OPCML: variants seen among roughly 807,000 people sequenced by gnomAD.
The protein encoded by OPCML is opioid binding protein/cell adhesion molecule like, also known as opioid-binding protein/cell adhesion molecule.
In OPCML, 13 loss-of-function variants were observed where a neutral mutation model predicts 37.8. The ratio of observed to expected loss-of-function variants is 0.34; its 90% CI spans 0.22 to 0.55. The LOEUF is 0.55. OPCML is among the 20% of genes least tolerant of loss of function. OPCML has a pLI of 0.91. For synonymous variants in OPCML, 176 were observed against 168.8 expected (o/e 1.04, Z -0.33); for missense variants, 341 against 435.6 (o/e 0.78, Z 1.93).
Position 133,249,013 on chromosome 11 carries a change from C to T in OPCML, c.61+283251G>A, listed in dbSNP as rs188343375. ...TGATCCAACACTCTAGAGCTGTTGC[C>T]GGTATAAAACCAATGTTTCATTTCA... On this transcript the variant is annotated intron_variant, in intron 1 of 7. Coordinates refer to ENST00000524381, the MANE Select transcript of OPCML (RefSeq NM_001012393.5). Among the ~76,000 whole-genome samples, 23 of 152,214 alleles carry T rather than the reference C, an allele frequency of 1.5e-4. No individual in the cohort carries two copies. The East Asian group carries it at 2.9e-3, about 19-fold the overall frequency.
At chr11:133,240,631 G>A (rs935113065) in intron 1 of OPCML, among the ~76,000 whole-genome samples, 4 of 152,160 alleles carry the variant, frequency 2.6e-5, no homozygotes, top group African/African-American at 4.8e-5. Flanking sequence ...ACATGTCTTT[G>A]TCTAAACACT....
intron 1 of OPCML, among the ~76,000 whole-genome samples, chr11:133,385,470 C>T (rs898211524): frequency 6.6e-6 from 1 of 152,158 alleles, no homozygotes; most frequent in African/African-American, 2.4e-5. Flanking sequence ...GTCCGGCAGA[C>T]AAGAGCTCAA....
At chr11:132,729,429 G>C (rs1316442536) in intron 2 of OPCML, among the ~76,000 whole-genome samples, 1 of 152,076 alleles carries the variant, frequency 6.6e-6, no homozygotes, top group African/African-American at 2.4e-5. Flanking sequence ...TTGGACAAAG[G>C]TTAAACGGGC....
At chr11:132,864,487 G>C (rs894813078) in intron 2 of OPCML, among the ~76,000 whole-genome samples, 1 of 152,138 alleles carries the variant, frequency 6.6e-6, no homozygotes, top group Non-Finnish European at 1.5e-5. Flanking sequence ...AACTATCTAT[G>C]TCTCCACCTC....
At position 132,419,799 on chromosome 11, in the gene OPCML, G is replaced by C. The variant is rs375410063; in HGVS notation, c.*394C>G. ...TGCTGTGCACTATGTTATAAGTCAA[G>C]TTGTGTCTTCAGGGTGTTTATTGTG... is the stretch of plus-strand genomic sequence containing the variant. On this transcript the variant is annotated 3_prime_UTR_variant, in exon 8 of 8. Transcript: ENST00000524381. 104 of 184,828 alleles carry C rather than the reference G, an allele frequency of 5.6e-4. No homozygotes were observed. Among genetic ancestry groups the C allele is most frequent in the African/African-American group, 2.4e-3 (102 of 42,270 alleles). 11.4% of individuals were successfully genotyped at this position (184,828 alleles called of 1,614,324 possible). A position where few individuals can be genotyped will look rare whatever the true frequency, so the allele number is the denominator to read the frequency against.
chr11:133,393,998 C>G (rs929586993), intron 1 of OPCML, among the ~76,000 whole-genome samples: 1 of 152,202 alleles, frequency 6.6e-6, no homozygotes, highest in African/African-American at 2.4e-5. Flanking sequence ...CCCACCTTTC[C>G]TACACTTTAG....
intron 1 of OPCML, among the ~76,000 whole-genome samples, chr11:133,472,136 T>C (rs1463989268): frequency 1.3e-5 from 2 of 152,204 alleles, no homozygotes; most frequent in Non-Finnish European, 2.9e-5. Flanking sequence ...CACACTGTCT[T>C]TCAGAGATGA....
At chr11:132,776,889 G>A (rs868729915) in intron 2 of OPCML, among the ~76,000 whole-genome samples, 1 of 152,072 alleles carries the variant, frequency 6.6e-6, no homozygotes, top group Non-Finnish European at 1.5e-5. Context: ...ATCGCTCTCT[G>A]TTGCTTCCTG....
chr11:132,880,971 T>C (rs1943203285), intron 2 of OPCML, among the ~76,000 whole-genome samples: 1 of 152,180 alleles, frequency 6.6e-6, no homozygotes, highest in Non-Finnish European at 1.5e-5. Flanking sequence ...GCCAGACTAA[T>C]AGCATAGTGG....
In OPCML at chr11:132,437,255, G is replaced by A. The variant is rs1461561452; in HGVS notation, c.610C>T (p.Pro204Ser). Residue 204 changes from proline to serine, a missense_variant, in exon 5 of 8, where the codon CCC (proline) becomes TCC (serine). Transcript: ENST00000524381. ...GTGATTTTTACTTTCCGCACATCGG[G>A]CGCAGCGACATCGTTCAACGCGCTG... ...ECSALNDVAAPDVRKVKITVN... is the reference protein window; with the variant it reads ...ECSALNDVAASDVRKVKITVN... The A allele has an allele frequency of 6.2e-7, 1 of 1,614,120 alleles. No individual in the cohort carries two copies. Among genetic ancestry groups the A allele is most frequent in the South Asian group, 1.1e-5 (1 of 91,080 alleles).
intron 1 of OPCML, among the ~76,000 whole-genome samples, chr11:133,391,352 C>CA (rs1945170604): frequency 6.6e-6 from 1 of 152,182 alleles, no homozygotes; most frequent in Admixed American, 6.5e-5. Context: ...GTTTGTCTTT[C>CA]AGCAGCTCTG....
chr11:133,492,779 A>T (rs1308115949), intron 1 of OPCML, among the ~76,000 whole-genome samples: 3 of 152,098 alleles, frequency 2.0e-5, no homozygotes, highest in Admixed American at 6.6e-5. Context: ...CGGGAAATTT[A>T]TAAGCACTTA....
intron 1 of OPCML, among the ~76,000 whole-genome samples, chr11:132,994,149 C>G (rs917507630): frequency 2.0e-5 from 3 of 152,208 alleles, no homozygotes; most frequent in Non-Finnish European, 4.4e-5. Context: ...TAGCCAGGTT[C>G]CAGAGCTATT....
chr11:133,326,072 T>A (rs1943440925), intron 1 of OPCML, among the ~76,000 whole-genome samples: 1 of 152,206 alleles, frequency 6.6e-6, no homozygotes, highest in Admixed American at 6.5e-5. Flanking sequence ...CATCTTTTCC[T>A]GTTTTTCTCA....
intron 3 of OPCML, among the ~76,000 whole-genome samples, chr11:132,618,027 C>T (rs906466354): frequency 9.2e-5 from 14 of 152,170 alleles, no homozygotes; most frequent in Admixed American, 9.2e-4. Context: ...TACAACTCTA[C>T]TGCTTGTTCC....
At chr11:133,330,376 C>T (rs1943588748) in intron 1 of OPCML, among the ~76,000 whole-genome samples, 1 of 152,158 alleles carries the variant, frequency 6.6e-6, no homozygotes, top group Non-Finnish European at 1.5e-5. Context: ...GCTATAAAGA[C>T]ACATGCACAC....
intron 1 of OPCML, among the ~76,000 whole-genome samples, chr11:133,330,243 G>A (rs548992267): frequency 1.3e-5 from 2 of 152,310 alleles, no homozygotes; most frequent in African/African-American, 4.8e-5. Context: ...TGGTGGGACT[G>A]TAAACTAGTT....
chr11:132,716,910 A>G (rs956073359), intron 2 of OPCML, among the ~76,000 whole-genome samples: 4 of 152,198 alleles, frequency 2.6e-5, no homozygotes, highest in African/African-American at 4.8e-5. Flanking sequence ...GAACTATCCC[A>G]ATAGAAAAAT....
intron 1 of OPCML, among the ~76,000 whole-genome samples, chr11:133,328,586 G>A (rs1356943438): frequency 6.6e-6 from 1 of 152,100 alleles, no homozygotes; most frequent in Non-Finnish European, 1.5e-5. Flanking sequence ...CAAGTGCTGG[G>A]CACTTTACTA....
Sources: allele counts gnomAD v4.1 joint callset (sites outside exome capture counted in the v4.1 genomes callset), GRCh38; gene constraint gnomAD v4.1.1; transcripts MANE v1.5; gene names NCBI Gene and HGNC (gene_info 2026-07-23, HGNC 2026-07-21).